The following ANXA8 variants were observed in gnomAD, a reference collection of about 807,000 sequenced individuals.
The protein encoded by ANXA8 is annexin A8.
ANXA8 carries 9 observed loss-of-function variants against 26.8 expected under a neutral mutation model. That is an observed-to-expected ratio of 0.34 (90% CI 0.20 to 0.59). ANXA8 has a LOEUF of 0.59. ANXA8 is among the 20% of genes least tolerant of loss of function. The pLI is 0.84. For missense variants in ANXA8, 83 were observed against 238.5 expected, an observed-to-expected ratio of 0.35 and a Z score of 4.29; for synonymous variants, 39 against 94.8, an observed-to-expected ratio of 0.41 and a Z score of 3.42.
the ANXA8 span, among the ~76,000 whole-genome samples, chr10:47,546,911 T>C: frequency 7.1e-4 from 87 of 122,554 alleles, no homozygotes; most frequent in African/African-American, 2.5e-3. Flanking sequence ...ATATATGAAG[T>C]TGGGCTTGTA....
chr10:47,902,246 C>T, the ANXA8 span, among the ~76,000 whole-genome samples: 1 of 147,710 alleles, frequency 6.8e-6, no homozygotes, highest in Admixed American at 6.7e-5. Context: ...TTAAAATAAT[C>T]TTACTTATCA....
chr10:47,664,284 A>G, the ANXA8 span, among the ~76,000 whole-genome samples: 2 of 152,108 alleles, frequency 1.3e-5, no homozygotes, highest in Non-Finnish European at 2.9e-5. Context: ...AGGCTGAGGC[A>G]GGAGAATTGC....
At chr10:47,770,049 C>G in the ANXA8 span, among the ~76,000 whole-genome samples, 1 of 148,460 alleles carries the variant, frequency 6.7e-6, no homozygotes, top group Non-Finnish European at 1.5e-5. Flanking sequence ...CTTTTTTAAA[C>G]TACCAGATCT....
chr10:47,562,109 ATT>A, the ANXA8 span, among the ~76,000 whole-genome samples: 1 of 151,880 alleles, frequency 6.6e-6, no homozygotes, highest in Non-Finnish European at 1.5e-5. Context: ...TCTAAATATG[ATT>A]TGTTTTTACA....
upstream of ANXA8, chr10:47,487,100 T>G: frequency 9.4e-7 from 1 of 1,060,802 alleles, no homozygotes; most frequent in Non-Finnish European, 1.3e-6. Context: ...TTGATCACTA[T>G]TCTGTGCATG....
At chr10:47,745,744 G>A in the ANXA8 span, among the ~76,000 whole-genome samples, 107,445 of 126,724 alleles carry the variant, frequency 0.85, 46,672 homozygotes, top group South Asian at 0.98. Flanking sequence ...GGTTCATTGC[G>A]TTGTCCACCT....
the ANXA8 span, chr10:47,564,725 G>A: frequency 3.0e-6 from 2 of 661,338 alleles, no homozygotes; most frequent in Non-Finnish European, 5.1e-6. Flanking sequence ...CTGCCTGCTC[G>A]TGCCCAGCGT....
At chr10:47,942,618 T>A in the ANXA8 span, among the ~76,000 whole-genome samples, 13 of 142,680 alleles carry the variant, frequency 9.1e-5, 1 homozygote, top group African/African-American at 1.4e-4. Flanking sequence ...GGAGCACAGT[T>A]CAATCAGCCT....
At chr10:47,683,113 C>A in the ANXA8 span, among the ~76,000 whole-genome samples, 1 of 151,898 alleles carries the variant, frequency 6.6e-6, no homozygotes, top group Non-Finnish European at 1.5e-5. Flanking sequence ...TAAACTTCAA[C>A]TGCTTTTGTT....
the ANXA8 span, among the ~76,000 whole-genome samples, chr10:47,515,746 T>C: frequency 9.3e-5 from 13 of 140,304 alleles, 1 homozygote; most frequent in South Asian, 6.8e-4. Context: ...AGGCAGAAAA[T>C]TGGGAGATCC....
At chr10:47,986,349 G>A in the ANXA8 span, 1 of 178,364 alleles carries the variant, frequency 5.6e-6, no homozygotes, top group Admixed American at 5.4e-5. Flanking sequence ...TGAACTTTTT[G>A]TTGAGTTATA....
the ANXA8 span, among the ~76,000 whole-genome samples, chr10:47,617,852 TGAGA>T: frequency 6.3e-5 from 9 of 141,798 alleles, no homozygotes; most frequent in Non-Finnish European, 1.4e-4. Context: ...AATTGGACAC[TGAGA>T]GACTTAGTAT....
chr10:47,516,708 C>CA, the ANXA8 span, among the ~76,000 whole-genome samples: 4 of 133,636 alleles, frequency 3.0e-5, 1 homozygote, highest in Non-Finnish European at 6.2e-5. Flanking sequence ...AGTTGCCCCC[C>CA]ACACACACAT....
chr10:47,733,211 T>TTCTC, the ANXA8 span, among the ~76,000 whole-genome samples: 3 of 82,316 alleles, frequency 3.6e-5, no homozygotes, highest in African/African-American at 1.3e-4. Context: ...CTTTCTTTCT[T>TTCTC]TCTTTCTTTC....
chr10:47,718,154 A>G, the ANXA8 span, among the ~76,000 whole-genome samples: 2 of 152,412 alleles, frequency 1.3e-5, no homozygotes, highest in Admixed American at 6.5e-5. Context: ...AATCTAAAAT[A>G]AAAATCGAAA....
the ANXA8 span, among the ~76,000 whole-genome samples, chr10:47,694,353 C>G: frequency 1.3e-5 from 2 of 149,694 alleles, no homozygotes; most frequent in Non-Finnish European, 3.0e-5. Context: ...AGTCAGTGAA[C>G]TTAGTTGGAT....
the ANXA8 span, among the ~76,000 whole-genome samples, chr10:47,567,605 T>C: frequency 6.6e-6 from 1 of 152,006 alleles, no homozygotes; most frequent in Non-Finnish European, 1.5e-5. Flanking sequence ...AAAAGTCCTG[T>C]TCCCGTTCCC....
chr10:47,533,224 C>CATACACACACCCGCAGACA, the ANXA8 span, among the ~76,000 whole-genome samples: 2 of 133,080 alleles, frequency 1.5e-5, no homozygotes, highest in African/African-American at 5.9e-5. Context: ...CACACACACA[C>CATACACACACCCGCAGACA]CCCCGCAGAC....
chr10:47,587,462 T>C, the ANXA8 span, among the ~76,000 whole-genome samples: 1 of 146,618 alleles, frequency 6.8e-6, no homozygotes, highest in Non-Finnish European at 1.5e-5. Context: ...TCACCCTGCA[T>C]TGAGAACTCA....
Sources: allele counts gnomAD v4.1 joint callset (sites outside exome capture counted in the v4.1 genomes callset), GRCh38; gene constraint gnomAD v4.1.1; transcripts MANE v1.5; gene names NCBI Gene and HGNC (gene_info 2026-07-23, HGNC 2026-07-21).